The following ACAD10 variants were observed in gnomAD, a reference collection of about 807,000 sequenced individuals.
ACAD10 encodes the protein acyl-CoA dehydrogenase family member 10, also known as ACAD-10.
ACAD10 carries 112 observed loss-of-function variants against 116.8 expected under a neutral mutation model. That is an observed-to-expected ratio of 0.96 (90% CI 0.82 to 1.12). ACAD10 has a LOEUF of 1.12. Ranked by LOEUF, ACAD10 falls within the 50% of genes most tolerant of loss-of-function variation. The pLI, the probability that ACAD10 is intolerant of heterozygous loss-of-function variation, is 0.00. For missense variants in ACAD10, 1,259 were observed against 1,350.2 expected (o/e 0.93, Z 1.06); for synonymous variants, 486 against 510.6 (o/e 0.95, Z 0.65).
Position 111,756,758 on chromosome 12 carries a change from G to A in ACAD10, c.*285G>A. On this transcript the variant is annotated 3_prime_UTR_variant, in exon 21 of 21. Coordinates refer to ENST00000313698, the MANE Select transcript of ACAD10 (RefSeq NM_025247.6). ...TCTTCAGGCTCTCAGTCCCAGGCTG[G>A]GCAGGCACGGTCACTTCACTTCAGC... The A allele has an allele frequency of 1.7e-6, 1 of 584,150 alleles. No homozygotes were observed. The highest frequency in any genetic ancestry group is 3.2e-6 in the Non-Finnish European group (1 of 311,354). 36.2% of individuals were successfully genotyped at this position (584,150 alleles called of 1,614,324 possible). A position where few individuals can be genotyped will look rare whatever the true frequency, so the allele number is the denominator to read the frequency against.
chr12:111,725,818 GCCACT>G (rs1357483665), intron 8 of ACAD10, among the ~76,000 whole-genome samples: 1 of 151,956 alleles, frequency 6.6e-6, no homozygotes, highest in Non-Finnish European at 1.5e-5. Flanking sequence ...ACAGGTATGA[GCCACT>G]GCACCCGGCC....
chr12:111,755,208 C>T (rs77969471), intron 19 of ACAD10, among the ~76,000 whole-genome samples: 1 of 152,124 alleles, frequency 6.6e-6, no homozygotes, highest in South Asian at 2.1e-4. Context: ...GTTCAAGCAG[C>T]TCTCTTGCCT....
intron 9 of ACAD10, among the ~76,000 whole-genome samples, chr12:111,729,091 A>T (rs1889313330): frequency 6.6e-6 from 1 of 152,192 alleles, no homozygotes; most frequent in South Asian, 2.1e-4. Flanking sequence ...AAGCATAGAG[A>T]TGTTAAGTAA....
intron 12 of ACAD10, among the ~76,000 whole-genome samples, chr12:111,741,138 C>T (rs554104502): frequency 7.0e-4 from 107 of 152,288 alleles, no homozygotes; most frequent in African/African-American, 2.5e-3. Context: ...TTTAACTGTA[C>T]CTGGTCTGAT....
intron 1 of ACAD10, among the ~76,000 whole-genome samples, chr12:111,689,830 C>T (rs1385262288): frequency 6.6e-6 from 1 of 152,006 alleles, no homozygotes; most frequent in Non-Finnish European, 1.5e-5. Context: ...ATTCTCCTGC[C>T]TCAGCCTCTT....
In ACAD10 at chr12:111,728,029, C is replaced by T. The variant is rs747474122; in HGVS notation, c.1129C>T (p.Pro377Ser). Residue 377 changes from proline to serine, a missense_variant, in exon 9 of 21, where the codon CCA becomes TCA. Transcript: ENST00000313698. ...TCTCATCTACAAAGACCCTTCCCTG[C>T]CAGGCTTGGAGCCCAGCCACAGACG... ...PGLIYKDPSL[P>S]GLEPSHRRAI... is the part of the protein sequence containing the mutation. The T allele has an allele frequency of 1.2e-6, 2 of 1,613,994 alleles. No homozygotes were observed. Among genetic ancestry groups the T allele is most frequent in the Non-Finnish European group, 1.7e-6 (2 of 1,180,012 alleles).
At chr12:111,707,588 A>G (rs1443781111) in intron 4 of ACAD10, among the ~76,000 whole-genome samples, 1 of 152,192 alleles carries the variant, frequency 6.6e-6, no homozygotes, top group Admixed American at 6.5e-5. Context: ...GGAACAGCTC[A>G]TGAAATATAG....
chr12:111,747,669 G>C lies in ACAD10; in HGVS notation c.2485+284G>C, dbSNP rs553504191. 4,322 of 1,226,908 alleles carry C rather than the reference G, an allele frequency of 3.5e-3. 10 individuals carry two copies. The highest frequency in any genetic ancestry group is 4.1e-3 in the Non-Finnish European group (3,967 of 972,338). The allele number at this position is 1,226,908 out of a possible 1,614,324, so 76.0% of individuals were successfully genotyped here. A position where few individuals can be genotyped will look rare whatever the true frequency, so the allele number is the denominator to read the frequency against. ...CCCAGGAATCTCTCCACTTCCTGCT[G>C]TTCATTCTGCTTTGGGCAGCTCCCC... On this transcript the variant is annotated intron_variant, in intron 16 of 20. Transcript: ENST00000313698.
chr12:111,690,780 C>CAAAAAAAAA (rs540935938), intron 1 of ACAD10, among the ~76,000 whole-genome samples: 5 of 63,554 alleles, frequency 7.9e-5, no homozygotes, highest in African/African-American at 2.6e-4. Context: ...GTGAGACTCT[C>CAAAAAAAAA]AAAAAAAAAA....
At chr12:111,756,073 G>C in intron 20 of ACAD10, 1 of 1,274,908 alleles carries the variant, frequency 7.8e-7, no homozygotes, top group Non-Finnish European at 1.0e-6. Flanking sequence ...CAGGGGGGCC[G>C]CCTCCTTAGA....
At chr12:111,709,819 T>A in intron 5 of ACAD10, 135 bp downstream of exon 5, 1 of 1,034,162 alleles carries the variant, frequency 9.7e-7, no homozygotes, top group Non-Finnish European at 1.4e-6. Flanking sequence ...TCTTATTTTG[T>A]GTTAATTATG....
chr12:111,730,729 G>A (rs1418464310), intron 10 of ACAD10, among the ~76,000 whole-genome samples: 1 of 151,742 alleles, frequency 6.6e-6, no homozygotes, highest in Non-Finnish European at 1.5e-5. Flanking sequence ...GACAGTGAAG[G>A]CTAATTTTAA....
At chr12:111,731,910 C>G (rs1286492770) in intron 10 of ACAD10, among the ~76,000 whole-genome samples, 1 of 152,044 alleles carries the variant, frequency 6.6e-6, no homozygotes, top group Non-Finnish European at 1.5e-5. Context: ...TGCCAAAATC[C>G]CATGTCTATT....
At chr12:111,745,161 A>G (rs1889856442) in intron 13 of ACAD10, 118 bp downstream of exon 13, 1 of 1,155,810 alleles carries the variant, frequency 8.7e-7, no homozygotes, top group Admixed American at 2.9e-5. Flanking sequence ...GAGTTGAATG[A>G]TCTTTGCTTC....
Position 111,692,869 on chromosome 12 carries a change from A to T in ACAD10, c.160A>T (p.Ile54Phe). The change falls in exon 2 of 21, where the codon ATT (isoleucine) becomes TTT (phenylalanine). Residue 54 changes from isoleucine (I) to phenylalanine (F), a missense_variant. Coordinates refer to ENST00000313698, the MANE Select transcript of ACAD10 (RefSeq NM_025247.6). ...GATTTTCGACATGGGCGGAGTTCTC[A>T]TTCCTTCTCCAGGGAGAGTCGCTGC... ...AVIFDMGGVL[I>F]PSPGRVAAEW... 6.2e-7 allele frequency: 1 copy of T among 1,613,992 alleles called. No homozygotes were observed. The highest frequency in any genetic ancestry group is 8.5e-7 in the Non-Finnish European group (1 of 1,179,844).
chr12:111,706,368 T>C lies in ACAD10; in HGVS notation c.531+436T>C, dbSNP rs540324398. Among the ~76,000 whole-genome samples the C allele has an allele frequency of 2.8e-4, 42 of 152,356 alleles. 1 individual carries two copies. Among genetic ancestry groups the C allele is most frequent in the Admixed American group, 2.7e-3 (41 of 15,292 alleles). ...TTCCATACTAAATCCATCTGCTCCA[T>C]GTGTGTATCCCAACCTGTCATGTGA... On this transcript the variant is annotated intron_variant, in intron 4 of 20. Coordinates refer to ENST00000313698, the MANE Select transcript of ACAD10 (RefSeq NM_025247.6).
intron 4 of ACAD10, among the ~76,000 whole-genome samples, chr12:111,706,413 T>C (rs1888506369): frequency 6.6e-6 from 1 of 152,190 alleles, no homozygotes; most frequent in Non-Finnish European, 1.5e-5. Context: ...CGTTTTGACA[T>C]GCTTGGCTAT....
intron 8 of ACAD10, among the ~76,000 whole-genome samples, chr12:111,724,253 C>T (rs933813351): frequency 8.6e-5 from 13 of 151,428 alleles, no homozygotes; most frequent in Admixed American, 1.3e-4. Context: ...TGATGGCGGC[C>T]GGGAAGAGGT....
At position 111,746,419 on chromosome 12, in the gene ACAD10, G is replaced by A. The variant is rs952984414; in HGVS notation, c.2256+135G>A. On this transcript the variant is annotated intron_variant, in intron 14 of 20. Transcript: ENST00000313698. ...TTTTTTTTTTTTGAGATGGAGTCTC[G>A]CTCTGTCACCCAGGCTGGAGTGTAG... The A allele has an allele frequency of 1.4e-5, 14 of 1,000,098 alleles. No individual in the cohort carries two copies. In the South Asian group the frequency reaches 2.0e-4, roughly 14 times the overall value. 62.0% of individuals were successfully genotyped at this position (1,000,098 alleles called of 1,614,324 possible).
Sources: gnomAD v4.1 joint callset for allele counts (sites outside exome capture counted in the v4.1 genomes callset) on GRCh38, gnomAD v4.1.1 for gene constraint, MANE v1.5 for transcripts, NCBI Gene and HGNC (gene_info 2026-07-23, HGNC 2026-07-21) for gene names.